KIAA0319L: variants seen among roughly 807,000 people sequenced by gnomAD.
KIAA0319L encodes the protein dyslexia-associated protein KIAA0319-like protein.
KIAA0319L carries 55 observed loss-of-function variants against 120.1 expected under a neutral mutation model. The ratio of observed to expected loss-of-function variants is 0.46; its 90% CI spans 0.37 to 0.57. The LOEUF is 0.57. KIAA0319L is among the 20% of genes least tolerant of loss of function. The pLI is 0.00. For synonymous variants in KIAA0319L, 398 were observed against 471.9 expected, an observed-to-expected ratio of 0.84 and a Z score of 2.03; for missense variants, 1,049 against 1,255.3, an observed-to-expected ratio of 0.84 and a Z score of 2.48.
chr1:35,554,306 C>G (rs751821450), intron 2 of KIAA0319L, 44 bp downstream of exon 2: 9 of 1,470,088 alleles, frequency 6.1e-6, no homozygotes, highest in African/African-American at 1.4e-5. Flanking sequence ...ATAAAATGCC[C>G]TTTTCTAAAA....
rs1443913418 is a variant in KIAA0319L at position 35,450,840 on chromosome 1, T to G, written c.2063-331A>C. 1.8e-4 allele frequency among the ~76,000 whole-genome samples: 27 copies of G among 152,244 alleles called. 1 individual carries two copies. The highest frequency in any genetic ancestry group is 1.6e-3 in the Admixed American group (25 of 15,282). ...GATGATCAGAAATAACGGCCCAAAC[T>G]GGCTTAAAACCTTGGAGTTTAGGTT... On this transcript the variant is annotated intron_variant, in intron 13 of 20. Transcript: ENST00000325722.
At chr1:35,482,796 G>A (rs950345284) in intron 3 of KIAA0319L, among the ~76,000 whole-genome samples, 5 of 152,054 alleles carry the variant, frequency 3.3e-5, no homozygotes, top group Non-Finnish European at 5.9e-5. Flanking sequence ...TAGAACCCCC[G>A]ATCAATGTAC....
intron 11 of KIAA0319L, 98 bp downstream of exon 11, chr1:35,454,264 G>A: frequency 7.5e-7 from 1 of 1,326,218 alleles, no homozygotes; most frequent in South Asian, 1.3e-5. Context: ...GGTGCCTTCT[G>A]CTTCTACCCT....
intron 3 of KIAA0319L, among the ~76,000 whole-genome samples, chr1:35,500,388 AG>A (rs1230930057): frequency 6.6e-6 from 1 of 152,196 alleles, no homozygotes; most frequent in African/African-American, 2.4e-5. Flanking sequence ...TGGTACAGAA[AG>A]GGTGCAATAC....
At chr1:35,507,892 C>A (rs1435879633) in intron 2 of KIAA0319L, among the ~76,000 whole-genome samples, 1 of 152,138 alleles carries the variant, frequency 6.6e-6, no homozygotes, top group African/African-American at 2.4e-5. Context: ...ATAATATGAT[C>A]CAAAATTCTG....
intron 11 of KIAA0319L, 198 bp downstream of exon 11, chr1:35,454,164 A>C (rs894892539): frequency 7.4e-6 from 4 of 538,966 alleles, no homozygotes; most frequent in Non-Finnish European, 1.3e-5. Flanking sequence ...GGAAGGGCAC[A>C]AGCTGAGGCT....
At chr1:35,477,400 G>A (rs946289915) in intron 4 of KIAA0319L, among the ~76,000 whole-genome samples, 3 of 152,190 alleles carry the variant, frequency 2.0e-5, no homozygotes, top group Admixed American at 1.3e-4. Flanking sequence ...GGGCGCGGTG[G>A]CTCACGCCTG....
intron 10 of KIAA0319L, among the ~76,000 whole-genome samples, 155 bp downstream of exon 10, chr1:35,455,858 C>T (rs537425365): frequency 6.6e-6 from 1 of 152,120 alleles, no homozygotes; most frequent in Non-Finnish European, 1.5e-5. Context: ...GGATTACAGG[C>T]GTGAGCCACC....
At chr1:35,474,653 T>G in intron 5 of KIAA0319L, 152 bp downstream of exon 5, 1 of 518,318 alleles carries the variant, frequency 1.9e-6, no homozygotes, top group Non-Finnish European at 3.4e-6. Flanking sequence ...GGGCCAGGAG[T>G]GGTAGTGTAT....
intron 2 of KIAA0319L, among the ~76,000 whole-genome samples, chr1:35,520,574 A>AT (rs1645872219): frequency 6.6e-6 from 1 of 151,826 alleles, no homozygotes; most frequent in Non-Finnish European, 1.5e-5. Flanking sequence ...TTTATGTTTT[A>AT]TTTTTTTGTA....
intron 7 of KIAA0319L, among the ~76,000 whole-genome samples, chr1:35,464,693 G>C (rs565819056): frequency 2.8e-4 from 43 of 152,330 alleles, no homozygotes; most frequent in Admixed American, 1.6e-3. Flanking sequence ...ATGTCTCTAG[G>C]GCATGTGAGA....
At position 35,451,635 on chromosome 1, in the gene KIAA0319L, G is replaced by A. The variant is rs1642070658; in HGVS notation, c.2055C>T (p.Val685=). The change falls in exon 13 of 21, where the codon GTC becomes GTT. Residue 685 remains valine, a synonymous_variant. Transcript: ENST00000325722. ...CTGGAGGCAGAGAGGTACCTTCTTT[G>A]ACAATGACATTCACAGAGCTCTGGC... ...LQSQSSVNVI[V]KEEINKPPIA... 1 of 1,613,802 alleles carries A rather than the reference G, an allele frequency of 6.2e-7. No homozygotes were observed. The highest frequency in any genetic ancestry group is 1.1e-5 in the South Asian group (1 of 91,050).
intron 17 of KIAA0319L, 58 bp downstream of exon 17, chr1:35,444,103 A>G: frequency 6.9e-7 from 1 of 1,448,090 alleles, no homozygotes; most frequent in Non-Finnish European, 9.3e-7. Context: ...GAAAGGACCA[A>G]TGGGTGAGCT....
chr1:35,486,754 A>AAAAAAAAAAAC (rs1438554182), intron 3 of KIAA0319L, among the ~76,000 whole-genome samples: 1 of 151,180 alleles, frequency 6.6e-6, no homozygotes, highest in African/African-American at 2.4e-5. Context: ...AAAAAAAAAA[A>AAAAAAAAAAAC]ATTATAATTA....
At chr1:35,510,358 T>C (rs1159894969) in intron 2 of KIAA0319L, 1 of 151,344 alleles carries the variant, frequency 6.6e-6, no homozygotes, top group East Asian at 1.9e-4. Context: ...TGAAAAAGCT[T>C]TCAGAAAAAA....
chr1:35,471,178 A>G (rs757402164), intron 5 of KIAA0319L, among the ~76,000 whole-genome samples: 12 of 152,160 alleles, frequency 7.9e-5, no homozygotes, highest in African/African-American at 2.9e-4. Flanking sequence ...CTCTCTCCCA[A>G]CAATGCTTAT....
At chr1:35,443,233 TC>T in intron 17 of KIAA0319L, 1 of 561,878 alleles carries the variant, frequency 1.8e-6, no homozygotes, top group Non-Finnish European at 3.2e-6. Context: ...GAAAGACACT[TC>T]CAGCCTGTCT....
intron 2 of KIAA0319L, among the ~76,000 whole-genome samples, chr1:35,525,223 TACA>T (rs570025688): frequency 1.3e-5 from 2 of 152,208 alleles, no homozygotes; most frequent in African/African-American, 2.4e-5. Flanking sequence ...TGCATAAATA[TACA>T]ACATTTTATT....
intron 3 of KIAA0319L, among the ~76,000 whole-genome samples, chr1:35,485,637 C>T (rs943642526): frequency 7.9e-5 from 12 of 152,172 alleles, no homozygotes; most frequent in Admixed American, 6.5e-4. Context: ...GGCAGGTCCA[C>T]CATCTACTCC....
Sources: gnomAD v4.1 joint callset for allele counts (sites outside exome capture counted in the v4.1 genomes callset) on GRCh38, gnomAD v4.1.1 for gene constraint, MANE v1.5 for transcripts, NCBI Gene and HGNC (gene_info 2026-07-23, HGNC 2026-07-21) for gene names.